The following DPY19L1 variants were observed in gnomAD, a reference collection of about 807,000 sequenced individuals.
The protein encoded by DPY19L1 is protein C-mannosyl-transferase DPY19L1.
DPY19L1 carries 35 observed loss-of-function variants against 96.9 expected under a neutral mutation model. That is an observed-to-expected ratio of 0.36 (90% CI 0.28 to 0.48). DPY19L1 has a LOEUF of 0.48. Among genes scored for constraint, DPY19L1 ranks in the 20% least tolerant of loss-of-function variants. The pLI, the probability that DPY19L1 is intolerant of heterozygous loss-of-function variation, is 0.99. For synonymous variants in DPY19L1, 205 were observed against 252.6 expected, an observed-to-expected ratio of 0.81 and a Z score of 1.79; for missense variants, 521 against 777.9, an observed-to-expected ratio of 0.67 and a Z score of 3.93.
Position 34,966,941 on chromosome 7 carries a change from C to A in DPY19L1, c.1045G>T (p.Gly349Trp). ...IASLFAVYVVGYIDICKLRKI... is the reference protein window; with the variant it reads ...IASLFAVYVVWYIDICKLRKI... ...CGTAATTTACATATATCAATGTACC[C>A]GACAACATATACTGCAAATAATGAT... Residue 349 changes from glycine to tryptophan, a missense_variant, in exon 10 of 22, where the codon GGG (glycine) becomes TGG (tryptophan). Physicochemically the swap from Gly to Trp is radical, Grantham distance 184 (BLOSUM62 -2). Coordinates refer to ENST00000638088, the MANE Select transcript of DPY19L1 (RefSeq NM_001366673.1). 5 of 1,534,058 alleles carry A rather than the reference C, an allele frequency of 3.3e-6. No homozygotes were observed. Among genetic ancestry groups the A allele is most frequent in the South Asian group, 2.5e-5 (2 of 79,478 alleles).
intron 6 of DPY19L1, among the ~76,000 whole-genome samples, chr7:35,006,572 G>A (rs1785562268): frequency 6.6e-6 from 1 of 151,924 alleles, no homozygotes; most frequent in African/African-American, 2.4e-5. Flanking sequence ...AAATATCAGG[G>A]TATCTTATGA....
intron 7 of DPY19L1, among the ~76,000 whole-genome samples, chr7:34,978,343 T>A (rs1186359075): frequency 6.6e-6 from 1 of 152,174 alleles, no homozygotes; most frequent in Non-Finnish European, 1.5e-5. Flanking sequence ...CTATACTGAT[T>A]ATACTATTGC....
intron 6 of DPY19L1, among the ~76,000 whole-genome samples, chr7:34,995,254 A>G (rs959787659): frequency 6.6e-6 from 1 of 151,990 alleles, no homozygotes; most frequent in African/African-American, 2.4e-5. Context: ...CAATCAGAAT[A>G]CCTAAAATTT....
chr7:34,997,985 A>G (rs1473907463), intron 6 of DPY19L1, among the ~76,000 whole-genome samples: 1 of 152,202 alleles, frequency 6.6e-6, no homozygotes, highest in Non-Finnish European at 1.5e-5. Flanking sequence ...GGGGGACATC[A>G]AGCAAAATTA....
Position 34,938,004 on chromosome 7 carries a change from T to C in DPY19L1, c.2080A>G (p.Arg694Gly). 2 of 1,613,474 alleles carry C rather than the reference T, an allele frequency of 1.2e-6. No homozygotes were observed. The highest frequency in any genetic ancestry group is 1.7e-6 in the Non-Finnish European group (2 of 1,179,796). ...TGTGTTGATACTCACTTGGATCTTC[T>C]TACACACCATGACTCTTCTAGAATG... ...YYILEESWCV[R>G]RSKPGCSMPE... Residue 694 changes from arginine to glycine, a missense_variant, in exon 21 of 22, where the codon AGA becomes GGA. Transcript: ENST00000638088.
At chr7:35,009,650 C>G (rs1785651628) in intron 6 of DPY19L1, among the ~76,000 whole-genome samples, 1 of 152,096 alleles carries the variant, frequency 6.6e-6, no homozygotes, top group Non-Finnish European at 1.5e-5. Context: ...CTGGATGGAG[C>G]TGAAACCATC....
At chr7:35,003,542 A>T (rs1184260083) in intron 6 of DPY19L1, among the ~76,000 whole-genome samples, 1 of 152,244 alleles carries the variant, frequency 6.6e-6, no homozygotes, top group African/African-American at 2.4e-5. Flanking sequence ...CCAGAGAGCC[A>T]GGGTAAACAG....
At chr7:34,970,520 G>C (rs1453133101) in intron 8 of DPY19L1, among the ~76,000 whole-genome samples, 1 of 152,114 alleles carries the variant, frequency 6.6e-6, no homozygotes, top group Non-Finnish European at 1.5e-5. Flanking sequence ...TTTTGTTTCA[G>C]CTGTGTGCAT....
At chr7:34,936,586 C>T (rs1199683162) in intron 21 of DPY19L1, among the ~76,000 whole-genome samples, 2 of 152,138 alleles carry the variant, frequency 1.3e-5, no homozygotes, top group Non-Finnish European at 1.5e-5. Context: ...TTCCTAAGAT[C>T]GTCATGAGAT....
At chr7:34,973,250 A>T (rs1413387868) in intron 8 of DPY19L1, among the ~76,000 whole-genome samples, 1 of 150,878 alleles carries the variant, frequency 6.6e-6, no homozygotes, top group East Asian at 1.9e-4. Flanking sequence ...AAGACTTGAG[A>T]AAGTGGAAAT....
At chr7:34,963,405 C>T (rs1288430008) in intron 10 of DPY19L1, among the ~76,000 whole-genome samples, 1 of 152,170 alleles carries the variant, frequency 6.6e-6, no homozygotes, top group Admixed American at 6.5e-5. Context: ...TGTACCGCTA[C>T]TATGGAAAAG....
chr7:35,003,648 C>A (rs1400687253), intron 6 of DPY19L1, among the ~76,000 whole-genome samples: 1 of 152,236 alleles, frequency 6.6e-6, no homozygotes, highest in African/African-American at 2.4e-5. Context: ...ATGTCCCTAC[C>A]GACTGAGTCC....
At chr7:34,946,392 C>T (rs983767272) in intron 15 of DPY19L1, among the ~76,000 whole-genome samples, 5 of 152,212 alleles carry the variant, frequency 3.3e-5, no homozygotes, top group African/African-American at 1.2e-4. Context: ...TGTGTGTAAC[C>T]TTATTTTCAA....
In DPY19L1 at chr7:34,945,593, A is replaced by T. The variant is rs561925362; in HGVS notation, c.1544+74T>A. 1.1e-4 allele frequency: 112 copies of T among 1,044,526 alleles called. 1 individual carries two copies. In the African/African-American group the frequency reaches 1.7e-3, roughly 16 times the overall value. The allele number at this position is 1,044,526 out of a possible 1,614,324, so 64.7% of individuals were successfully genotyped here. A position where few individuals can be genotyped will look rare whatever the true frequency, so the allele number is the denominator to read the frequency against. ...TATTAGGTACACAACATGTAAGTAT[A>T]CAATTAATACACTGTAAATATCTAT... On this transcript the variant is annotated intron_variant, in intron 16 of 21. Transcript: ENST00000638088.
intron 6 of DPY19L1, among the ~76,000 whole-genome samples, chr7:35,001,301 AAT>A (rs1251324504): frequency 6.6e-6 from 1 of 152,160 alleles, no homozygotes; most frequent in Non-Finnish European, 1.5e-5. Flanking sequence ...TGTGATAGAT[AAT>A]ATGTTTTTAT....
At chr7:34,981,559 C>A (rs776646007) in intron 7 of DPY19L1, among the ~76,000 whole-genome samples, 1 of 152,200 alleles carries the variant, frequency 6.6e-6, no homozygotes, top group Non-Finnish European at 1.5e-5. Context: ...TGTGATTTAA[C>A]TTTGTAAATT....
At chr7:35,007,831 A>T (rs1482575571) in intron 6 of DPY19L1, among the ~76,000 whole-genome samples, 1 of 152,078 alleles carries the variant, frequency 6.6e-6, no homozygotes, top group Non-Finnish European at 1.5e-5. Context: ...GACTGGGGAA[A>T]GTCAAGTGTT....
chr7:34,986,451 T>A (rs533360409), intron 7 of DPY19L1, among the ~76,000 whole-genome samples: 13 of 152,142 alleles, frequency 8.5e-5, no homozygotes, highest in South Asian at 8.3e-4. Context: ...AATAATTTTT[T>A]AAAAATACAA....
chr7:34,953,924 C>T (rs1475915479), intron 13 of DPY19L1, among the ~76,000 whole-genome samples: 1 of 152,082 alleles, frequency 6.6e-6, no homozygotes, highest in Non-Finnish European at 1.5e-5. Context: ...AGACAGCCCT[C>T]AGGGAAGATT....
Sources: allele counts gnomAD v4.1 joint callset (sites outside exome capture counted in the v4.1 genomes callset), GRCh38; gene constraint gnomAD v4.1.1; transcripts MANE v1.5; gene names NCBI Gene and HGNC (gene_info 2026-07-23, HGNC 2026-07-21).